Variants in C10orf143 observed in about 807,000 individuals in gnomAD.
The protein encoded by C10orf143 is chromosome 10 open reading frame 143.
downstream of C10orf143, among the ~76,000 whole-genome samples, chr10:130,062,469 G>A (rs1860867749): frequency 6.6e-6 from 1 of 152,146 alleles, no homozygotes; most frequent in South Asian, 2.1e-4. Context: ...TAGACTGGCT[G>A]AGTCTTCCAG....
intron 3 of C10orf143, among the ~76,000 whole-genome samples, chr10:130,036,524 C>A (rs1049522611): frequency 2.6e-5 from 4 of 152,204 alleles, no homozygotes; most frequent in African/African-American, 9.6e-5. Context: ...CCCCAGAACA[C>A]CCTGGGCTGG....
At chr10:130,042,776 A>G (rs1405328291) in intron 3 of C10orf143, among the ~76,000 whole-genome samples, 1 of 152,268 alleles carries the variant, frequency 6.6e-6, no homozygotes, top group East Asian at 1.9e-4. Context: ...TGGAAACTGA[A>G]AACACAAGTA....
intron 3 of C10orf143, among the ~76,000 whole-genome samples, chr10:130,040,614 G>C (rs1280231696): frequency 6.6e-6 from 1 of 152,204 alleles, no homozygotes; most frequent in East Asian, 1.9e-4. Flanking sequence ...GTGGAGGTCA[G>C]CTGAGGTCAG....
chr10:130,089,193 A>G (rs1320359101), intron 1 of C10orf143, among the ~76,000 whole-genome samples: 1 of 152,242 alleles, frequency 6.6e-6, no homozygotes, highest in African/African-American at 2.4e-5. Flanking sequence ...TGAAAAAGAC[A>G]TAAATGAACA....
intron 1 of C10orf143, among the ~76,000 whole-genome samples, chr10:130,101,490 A>T (rs963630650): frequency 6.6e-6 from 1 of 152,126 alleles, no homozygotes; most frequent in African/African-American, 2.4e-5. Flanking sequence ...GTGGAGCAAC[A>T]TTTTTATATT....
intron 3 of C10orf143, among the ~76,000 whole-genome samples, chr10:130,045,556 C>T (rs1860658175): frequency 6.6e-6 from 1 of 152,244 alleles, no homozygotes; most frequent in Non-Finnish European, 1.5e-5. Flanking sequence ...GCGAGGCGCC[C>T]CTGGGAGCTG....
chr10:130,106,360 C>T, intron 1 of C10orf143: 2 of 1,601,560 alleles, frequency 1.2e-6, no homozygotes, highest in African/African-American at 2.7e-5. Flanking sequence ...AGTATGAAGA[C>T]TATGAAGTAG....
chr10:130,092,893 T>C (rs1031909931), intron 1 of C10orf143, among the ~76,000 whole-genome samples: 2 of 152,108 alleles, frequency 1.3e-5, no homozygotes, highest in Non-Finnish European at 2.9e-5. Flanking sequence ...ATGCACCCAA[T>C]AGAGGAGCAC....
chr10:130,067,296 C>CCAA (rs761470955), intron 3 of C10orf143: 2 of 152,314 alleles, frequency 1.3e-5, no homozygotes, highest in Non-Finnish European at 2.9e-5. Context: ...GACAGCAGGG[C>CCAA]CAACAGGGAC....
chr10:130,052,468 C>G (rs1263693270), intron 3 of C10orf143, among the ~76,000 whole-genome samples: 1 of 152,158 alleles, frequency 6.6e-6, no homozygotes, highest in African/African-American at 2.4e-5. Context: ...GGGATAGTTA[C>G]TGCCCCCAGA....
chr10:130,093,099 A>C (rs1161341093), intron 1 of C10orf143, among the ~76,000 whole-genome samples: 1 of 152,200 alleles, frequency 6.6e-6, no homozygotes, highest in African/African-American at 2.4e-5. Context: ...CTCTACCCCA[A>C]ATCAGCAGAA....
rs1861757435 is a variant in C10orf143, at chr10:130,110,809, C to G, written c.-37G>C. ...GTCAAACCCTCCCGGCATCTCAGGCCTGGCCGAGGCCCGCGCACCACGCCC... is the reference window on the plus strand; with the variant it reads ...GTCAAACCCTCCCGGCATCTCAGGCGTGGCCGAGGCCCGCGCACCACGCCC... On this transcript the variant is annotated 5_prime_UTR_variant, in exon 1 of 4. Coordinates refer to ENST00000637128, the MANE Select transcript of C10orf143 (RefSeq NM_001355042.2). 5.0e-6 allele frequency: 2 copies of G among 398,788 alleles called. No homozygotes were observed. 24.7% of individuals were successfully genotyped at this position (398,788 alleles called of 1,614,324 possible).
At chr10:130,043,624 C>A (rs1224318990) in intron 3 of C10orf143, among the ~76,000 whole-genome samples, 2 of 152,180 alleles carry the variant, frequency 1.3e-5, no homozygotes, top group Admixed American at 1.3e-4. Flanking sequence ...GGGGAACAAA[C>A]CCCATAAGCA....
intron 1 of C10orf143, among the ~76,000 whole-genome samples, chr10:130,094,964 T>C (rs1298677019): frequency 7.1e-6 from 1 of 140,148 alleles, no homozygotes; most frequent in Non-Finnish European, 1.6e-5. Context: ...CATGATTGTA[T>C]ATTTAGGAAA....
chr10:130,099,717 G>A (rs1008594894), intron 1 of C10orf143, among the ~76,000 whole-genome samples: 1 of 151,696 alleles, frequency 6.6e-6, no homozygotes, highest in African/African-American at 2.4e-5. Flanking sequence ...TGGTGGAGAC[G>A]GGGTTTCACC....
At position 130,056,046 on chromosome 10, in the gene C10orf143, T is replaced by C. The variant is rs1041953134; in HGVS notation, c.298-20076A>G. 6.6e-6 allele frequency among the ~76,000 whole-genome samples: 1 copy of C among 151,272 alleles called. No homozygotes were observed. The highest frequency in any genetic ancestry group is 1.5e-5 in the Non-Finnish European group (1 of 67,898). On this transcript the variant is annotated intron_variant and NMD_transcript_variant, in intron 3 of 5. Coordinates refer to the C10orf143 transcript ENST00000643056. This position sits in a 1 kb window ranked among gnomAD's most constrained non-coding sequence, Gnocchi z 4.6. ...TAGATCATTTTAACTGAAAAATGCA[T>C]TGGTGGCTGATGATTGTTAACTTTT... is the stretch of plus-strand genomic sequence containing the variant.
At chr10:130,058,082 A>C (rs2134738645) in intron 3 of C10orf143, among the ~76,000 whole-genome samples, 1 of 152,354 alleles carries the variant, frequency 6.6e-6, no homozygotes, top group South Asian at 2.1e-4. Flanking sequence ...ATTCTAAATG[A>C]TGTGGGCAGG....
At chr10:130,047,570 C>T (rs1007079923) in intron 3 of C10orf143, among the ~76,000 whole-genome samples, 28 of 152,104 alleles carry the variant, frequency 1.8e-4, no homozygotes, top group African/African-American at 6.5e-4. Flanking sequence ...CTTACTAAGG[C>T]CCCCCGCACT....
downstream of C10orf143, among the ~76,000 whole-genome samples, chr10:130,063,019 G>C (rs1268875306): frequency 6.6e-6 from 1 of 152,152 alleles, no homozygotes; most frequent in Admixed American, 6.5e-5. Context: ...GAAGTCTAAG[G>C]ACTCATCAAG....
Sources: allele counts gnomAD v4.1 joint callset (sites outside exome capture counted in the v4.1 genomes callset), GRCh38; gene constraint gnomAD v4.1.1; non-coding constraint Gnocchi (gnomAD v3.1); transcripts MANE v1.5; gene names NCBI Gene and HGNC (gene_info 2026-07-23, HGNC 2026-07-21).